ATF7IP2: variants seen among roughly 807,000 people sequenced by gnomAD.
ATF7IP2 encodes the protein activating transcription factor 7-interacting protein 2.
In ATF7IP2, 42 loss-of-function variants were observed where a neutral mutation model predicts 64.2. The ratio of observed to expected loss-of-function variants is 0.65; its 90% CI spans 0.51 to 0.85. The LOEUF is 0.85. Among genes scored for constraint, ATF7IP2 ranks in the 40% least tolerant of loss-of-function variants. ATF7IP2 has a pLI of 0.00. For missense variants in ATF7IP2, 933 were observed against 784.2 expected (o/e 1.19, Z -2.27); for synonymous variants, 308 against 272.8 (o/e 1.13, Z -1.27).
In ATF7IP2 at chr16:10,482,792, A is replaced by C. The variant is rs769754099; in HGVS notation, c.*543A>C. 2.0e-5 allele frequency: 3 copies of C among 152,344 alleles called. No homozygotes were observed. Among genetic ancestry groups the C allele is most frequent in the South Asian group, 2.1e-4 (1 of 4,824 alleles). 9.4% of individuals were successfully genotyped at this position (152,344 alleles called of 1,614,324 possible). A position where few individuals can be genotyped will look rare whatever the true frequency, so the allele number is the denominator to read the frequency against. On this transcript the variant is annotated 3_prime_UTR_variant, in exon 14 of 14. Transcript: ENST00000562102. ...TTGCCCAGGCTGGAGTACAGTGGTC[A>C]CTGCAACCTCCATCTCCCTGGTTCA...
intron 1 of ATF7IP2, among the ~76,000 whole-genome samples, chr16:10,414,211 A>C (rs1396396770): frequency 6.6e-6 from 1 of 152,138 alleles, no homozygotes; most frequent in East Asian, 1.9e-4. Context: ...TTCCTCAGGA[A>C]TGCTGATTAT....
rs150897169 is a variant in ATF7IP2 at position 10,470,667 on chromosome 16, C to T, written c.1353-1443C>T. On this transcript the variant is annotated intron_variant, in intron 9 of 13. Transcript: ENST00000562102. ...AGGCCTGGTGACACATGCTGTCATC[C>T]CAGCTACTTAGGAGGCCGAGATGAG... Among the ~76,000 whole-genome samples, 53 of 151,816 alleles carry T rather than the reference C, an allele frequency of 3.5e-4. 1 individual carries two copies. The East Asian group carries it at 6.0e-3, about 17-fold the overall frequency.
At chr16:10,464,217 G>A (rs1263270820) in intron 9 of ATF7IP2, among the ~76,000 whole-genome samples, 1 of 152,046 alleles carries the variant, frequency 6.6e-6, no homozygotes, top group Non-Finnish European at 1.5e-5. Context: ...TGTTCTACCT[G>A]TCCTTCATGT....
chr16:10,470,629 TA>T (rs946984823), intron 9 of ATF7IP2, among the ~76,000 whole-genome samples: 1 of 151,462 alleles, frequency 6.6e-6, no homozygotes, highest in Non-Finnish European at 1.5e-5. Flanking sequence ...AAAATTTTTT[TA>T]AAAAGTTAGC....
At chr16:10,467,161 G>C (rs368421590) in intron 9 of ATF7IP2, among the ~76,000 whole-genome samples, 2 of 152,248 alleles carry the variant, frequency 1.3e-5, no homozygotes, top group African/African-American at 4.8e-5. Flanking sequence ...TGGTCTCTAA[G>C]ACATAGCCTA....
chr16:10,416,092 G>C (rs11865713), intron 2 of ATF7IP2, among the ~76,000 whole-genome samples: 119,991 of 152,202 alleles, frequency 0.79, 48,048 homozygotes, highest in African/African-American at 0.93. Flanking sequence ...AGCGATCCAG[G>C]TGCTGAATAT....
chr16:10,391,894 TAAA>T (rs75981824), intron 1 of ATF7IP2, among the ~76,000 whole-genome samples: 2 of 137,498 alleles, frequency 1.5e-5, no homozygotes, highest in Admixed American at 7.3e-5. Context: ...AGATTCTGTT[TAAA>T]AAAAAAAAAA....
At chr16:10,481,023 A>G (rs921002610) in intron 13 of ATF7IP2, 59 bp downstream of exon 13, 13 of 1,270,600 alleles carry the variant, frequency 1.0e-5, no homozygotes, top group African/African-American at 2.9e-5. Context: ...GGAAGTAGCT[A>G]TGTTACTCTT....
intron 9 of ATF7IP2, among the ~76,000 whole-genome samples, chr16:10,462,632 A>T (rs986894483): frequency 2.6e-5 from 4 of 152,102 alleles, no homozygotes; most frequent in South Asian, 2.1e-4. Flanking sequence ...TTTGGTTTTC[A>T]TCAATATACT....
At position 10,430,841 on chromosome 16, in the gene ATF7IP2, C is replaced by T. The variant is rs745848643; in HGVS notation, c.221C>T (p.Ala74Val). ...AAATGTAGCCCTTCTGAAAATGGTG[C>T]ATCCTCATTGGACTCTAATAAAAAT... ...ITKCSPSENG[A>V]SSLDSNKNSI... is the part of the protein sequence containing the mutation. The change falls in exon 5 of 14, where the codon GCA (alanine) becomes GTA (valine). Residue 74 changes from alanine (A) to valine (V), a missense_variant. Ala to Val is a moderately conservative substitution (Grantham distance 64). Transcript: ENST00000562102. The T allele has an allele frequency of 1.2e-6, 2 of 1,613,838 alleles. No homozygotes were observed. Among genetic ancestry groups the T allele is most frequent in the Admixed American group, 1.7e-5 (1 of 60,020 alleles).
At position 10,480,954 on chromosome 16, in the gene ATF7IP2, A is replaced by G. The variant is rs749803233; in HGVS notation, c.1625A>G (p.Asn542Ser). 1.9e-6 allele frequency: 3 copies of G among 1,606,640 alleles called. No homozygotes were observed. In the South Asian group the frequency reaches 3.3e-5, roughly 18 times the overall value. Residue 542 changes from asparagine (N) to serine (S), a missense_variant, in exon 13 of 14, where the codon AAT becomes AGT. Coordinates refer to ENST00000562102, the MANE Select transcript of ATF7IP2 (RefSeq NM_001393719.1). ...AAGGAAACAACCCCATTGGCACAAA[A>G]TGCAGTCCAGGTACTGAATCAAAGT... ...NSKETTPLAQ[N>S]AVQVPESFEH...
chr16:10,445,046 G>A (rs757566443), intron 8 of ATF7IP2, among the ~76,000 whole-genome samples: 1 of 152,148 alleles, frequency 6.6e-6, no homozygotes, highest in Non-Finnish European at 1.5e-5. Context: ...CGCAAGTGGT[G>A]ATTTTTTTAG....
At chr16:10,480,583 A>C (rs982525096) in intron 12 of ATF7IP2, among the ~76,000 whole-genome samples, 1 of 150,294 alleles carries the variant, frequency 6.7e-6, no homozygotes, top group African/African-American at 2.5e-5. Context: ...CTAACGAGAA[A>C]ATTTGCCTCT....
chr16:10,480,518 T>G (rs969323794), intron 12 of ATF7IP2, among the ~76,000 whole-genome samples: 1 of 151,924 alleles, frequency 6.6e-6, no homozygotes, highest in African/African-American at 2.4e-5. Context: ...TTTGAATTCC[T>G]AAAACTTGGC....
chr16:10,442,877 T>G (rs537742314), intron 8 of ATF7IP2, among the ~76,000 whole-genome samples: 45 of 152,220 alleles, frequency 3.0e-4, no homozygotes, highest in Non-Finnish European at 4.8e-4. Flanking sequence ...TCCACGTTTT[T>G]ATTAACAGTT....
At chr16:10,398,610 C>T (rs1256356827) in intron 1 of ATF7IP2, among the ~76,000 whole-genome samples, 1 of 152,080 alleles carries the variant, frequency 6.6e-6, no homozygotes, top group African/African-American at 2.4e-5. Context: ...TGATGGAATA[C>T]CATTTTGCCT....
chr16:10,419,253 G>A lies in ATF7IP2; in HGVS notation c.-202-328G>A, dbSNP rs56111690. The stretch of plus-strand genomic sequence containing the variant: ...GCCAGCCAAGATTGATAGTGAGGGG[G>A]TAGGCAACTGGTGACCTTTCCCAAA... On this transcript the variant is annotated intron_variant, in intron 2 of 13. Transcript: ENST00000562102. 2.5e-3 allele frequency among the ~76,000 whole-genome samples: 379 copies of A among 152,288 alleles called. 1 individual carries two copies. The highest frequency in any genetic ancestry group is 8.6e-3 in the African/African-American group (358 of 41,562).
At chr16:10,439,891 C>T (rs1207216811) in intron 7 of ATF7IP2, among the ~76,000 whole-genome samples, 3 of 151,270 alleles carry the variant, frequency 2.0e-5, no homozygotes, top group South Asian at 2.1e-4. Context: ...AGGCTGGGCA[C>T]GGTGGCTCAC....
At chr16:10,466,644 G>T (rs12923980) in intron 9 of ATF7IP2, among the ~76,000 whole-genome samples, 13,037 of 151,838 alleles carry the variant, frequency 0.086, 637 homozygotes, top group African/African-American at 0.12. Flanking sequence ...TTAGCCATTT[G>T]GATATCTTCT....
Sources: allele counts gnomAD v4.1 joint callset (sites outside exome capture counted in the v4.1 genomes callset), GRCh38; gene constraint gnomAD v4.1.1; transcripts MANE v1.5; gene names NCBI Gene and HGNC (gene_info 2026-07-23, HGNC 2026-07-21).